Variants in DNAH14 observed in about 807,000 individuals in gnomAD.
DNAH14 encodes dynein axonemal heavy chain 14.
Under a neutral mutation model 520.9 loss-of-function variants are expected in DNAH14, and 478 were observed. That is an observed-to-expected ratio of 0.92 (90% CI 0.85 to 0.99). DNAH14 has a LOEUF of 0.99. Among genes scored for constraint, DNAH14 ranks in the 50% least tolerant of loss-of-function variants. DNAH14 has a pLI of 0.00. For missense variants in DNAH14, 4,831 were observed against 5,234.5 expected (o/e 0.92, Z 2.38); for synonymous variants, 1,581 against 1,757.2 (o/e 0.90, Z 2.51).
At chr1:225,095,528 A>T (rs1163857928) in intron 21 of DNAH14, among the ~76,000 whole-genome samples, 1 of 152,124 alleles carries the variant, frequency 6.6e-6, no homozygotes, top group Non-Finnish European at 1.5e-5. Context: ...GGGTGAGGAT[A>T]AAAAAGCTAC....
chr1:225,353,873 T>C lies in DNAH14; in HGVS notation c.11604T>C (p.Phe3868=). 1 of 1,488,630 alleles carries C rather than the reference T, an allele frequency of 6.7e-7. No individual in the cohort carries two copies. The highest frequency in any genetic ancestry group is 9.1e-7 in the Non-Finnish European group (1 of 1,096,464). The allele number at this position is 1,488,630 out of a possible 1,614,324, so 92.2% of individuals were successfully genotyped here. A position where few individuals can be genotyped will look rare whatever the true frequency, so the allele number is the denominator to read the frequency against. The stretch of plus-strand genomic sequence containing the variant: ...TTCCCTGGGAGAAACTCACTTCATT[T>C]CAAAGACTTATTTTGGTAAGATATC... The part of the protein sequence containing the change: ...INFPWEKLTS[F]QRLILVKVLR... Residue 3868 remains phenylalanine, a synonymous_variant, in exon 73 of 86, where the codon TTT becomes TTC. Transcript: ENST00000682510.
chr1:225,085,861 C>T, intron 21 of DNAH14, 72 bp downstream of exon 21: 7 of 1,411,308 alleles, frequency 5.0e-6, no homozygotes, highest in Non-Finnish European at 6.5e-6. Flanking sequence ...CTTTTGCGGT[C>T]TACAGTTTGC....
At chr1:225,295,134 T>C (rs753698580) in intron 55 of DNAH14, among the ~76,000 whole-genome samples, 1 of 152,176 alleles carries the variant, frequency 6.6e-6, no homozygotes, top group Non-Finnish European at 1.5e-5. Flanking sequence ...ATTTTATTTA[T>C]TTGGATCTTT....
intron 17 of DNAH14, among the ~76,000 whole-genome samples, chr1:225,055,747 C>T (rs2068991970): frequency 2.1e-5 from 3 of 145,936 alleles, no homozygotes; most frequent in Admixed American, 6.9e-5. Context: ...CATGTGTTCT[C>T]GTTGTTCAGT....
chr1:225,076,676 A>C (rs2072316960), intron 17 of DNAH14, among the ~76,000 whole-genome samples: 1 of 152,146 alleles, frequency 6.6e-6, no homozygotes, highest in East Asian at 1.9e-4. Flanking sequence ...CTGTTTTTCA[A>C]AGAATCTGTT....
intron 7 of DNAH14, among the ~76,000 whole-genome samples, chr1:224,973,223 C>G (rs1479640153): frequency 6.6e-6 from 1 of 152,194 alleles, no homozygotes; most frequent in African/African-American, 2.4e-5. Context: ...CTCCAGGCCT[C>G]TTTCAGCCAT....
chr1:225,088,946 A>C (rs549268725), intron 21 of DNAH14, among the ~76,000 whole-genome samples: 34 of 152,358 alleles, frequency 2.2e-4, no homozygotes, highest in African/African-American at 7.9e-4. Context: ...ACTGGTAGTT[A>C]AAAACAGTTT....
At chr1:225,190,510 T>C (rs1224631548) in intron 37 of DNAH14, among the ~76,000 whole-genome samples, 2 of 152,030 alleles carry the variant, frequency 1.3e-5, no homozygotes, top group Non-Finnish European at 2.9e-5. Context: ...TGGACTGCAG[T>C]TGACCACAGG....
intron 47 of DNAH14, among the ~76,000 whole-genome samples, chr1:225,264,643 G>A (rs1202483871): frequency 6.6e-6 from 1 of 152,050 alleles, no homozygotes; most frequent in Non-Finnish European, 1.5e-5. Context: ...CCATGCAATA[G>A]AAACATATGT....
chr1:225,185,105 CA>C (rs1306794013), intron 36 of DNAH14, among the ~76,000 whole-genome samples, 185 bp from the exon 37 acceptor site: 1 of 150,256 alleles, frequency 6.7e-6, no homozygotes, highest in Non-Finnish European at 1.5e-5. Flanking sequence ...GACACAAAAT[CA>C]ATGTAAAAAA....
In DNAH14 at chr1:224,964,560, GTTT is replaced by G. The variant is rs759234032; in HGVS notation, c.450_452del (p.Ser150_Leu151delinsArg). The G allele has an allele frequency of 6.2e-7, 1 of 1,606,824 alleles. No individual in the cohort carries two copies. Among genetic ancestry groups the G allele is most frequent in the African/African-American group, 1.3e-5 (1 of 74,910 alleles). On this transcript the variant is annotated inframe_deletion, in exon 5 of 86. Transcript: ENST00000682510. ...TGGCAAACTATATTACCGCAGCACA[GTTT>G]GAAATACGGAAGCTCCAAAATTGCA...
chr1:225,110,054 C>T (rs1402832042), intron 23 of DNAH14, among the ~76,000 whole-genome samples: 1 of 152,034 alleles, frequency 6.6e-6, no homozygotes. Flanking sequence ...TGATAAATCA[C>T]CTTTTAAATG....
intron 61 of DNAH14, among the ~76,000 whole-genome samples, chr1:225,322,336 G>A (rs916101517): frequency 4.0e-5 from 6 of 151,816 alleles, no homozygotes; most frequent in East Asian, 1.9e-4. Flanking sequence ...TGATCCGCCC[G>A]CCTCAGCCTC....
At chr1:225,274,206 T>TA (rs1574449706) in intron 52 of DNAH14, among the ~76,000 whole-genome samples, 1 of 119,364 alleles carries the variant, frequency 8.4e-6, no homozygotes, top group Non-Finnish European at 1.7e-5. Flanking sequence ...TATTTTTTTT[T>TA]TTTTTTTTTT....
At chr1:224,968,112 C>A (rs1322065348) in intron 6 of DNAH14, among the ~76,000 whole-genome samples, 2 of 152,144 alleles carry the variant, frequency 1.3e-5, no homozygotes, top group Non-Finnish European at 2.9e-5. Flanking sequence ...AAGACCACAT[C>A]TTTGCATGAG....
At chr1:225,313,812 G>A (rs982151440) in intron 60 of DNAH14, among the ~76,000 whole-genome samples, 7 of 152,144 alleles carry the variant, frequency 4.6e-5, no homozygotes, top group Non-Finnish European at 7.3e-5. Context: ...GAGACTGTTT[G>A]TTATGATTTC....
At chr1:225,105,108 A>G (rs962372036) in intron 23 of DNAH14, among the ~76,000 whole-genome samples, 1 of 152,214 alleles carries the variant, frequency 6.6e-6, no homozygotes, top group African/African-American at 2.4e-5. Flanking sequence ...TTGGTTTCAA[A>G]GAACATCTTT....
intron 37 of DNAH14, 42 bp downstream of exon 37, chr1:225,185,467 A>G (rs1193324801): frequency 1.4e-6 from 2 of 1,476,076 alleles, no homozygotes; most frequent in Admixed American, 2.7e-5. Flanking sequence ...ATTTGTTCAT[A>G]TCTTATTTTA....
chr1:225,330,560 G>A (rs2094774360), intron 64 of DNAH14, among the ~76,000 whole-genome samples: 1 of 152,160 alleles, frequency 6.6e-6, no homozygotes, highest in Non-Finnish European at 1.5e-5. Flanking sequence ...GGTGCAGAAA[G>A]ACAAACATGG....
Sources: allele counts gnomAD v4.1 joint callset (sites outside exome capture counted in the v4.1 genomes callset), GRCh38; gene constraint gnomAD v4.1.1; transcripts MANE v1.5; gene names NCBI Gene and HGNC (gene_info 2026-07-23, HGNC 2026-07-21).